RP2: variants seen among roughly 807,000 people sequenced by gnomAD.
RP2 encodes the protein RP2 activator of ARL3 GTPase.
A neutral mutation model predicts 20.3 loss-of-function variants in RP2; 3 were observed. The ratio of observed to expected loss-of-function variants is 0.15; its 90% CI spans 0.07 to 0.38. The LOEUF is 0.38. Among genes scored for constraint, RP2 ranks in the 10% least tolerant of loss-of-function variants. The pLI, the probability that RP2 is intolerant of heterozygous loss-of-function variation, is 1.00. For missense variants in RP2, 233 were observed against 268.5 expected (o/e 0.87, Z 0.92); for synonymous variants, 75 against 94.8 (o/e 0.79, Z 1.22).
intron 1 of RP2, among the ~76,000 whole-genome samples, chrX:46,847,759 T>TAC (rs782006171): frequency 8.5e-5 from 7 of 82,140 alleles, no homozygotes; most frequent in South Asian, 5.0e-4. Context: ...TGTGTGTATA[T>TAC]ACACACATGT....
chrX:46,859,505 A>G (rs1925027879), intron 2 of RP2, among the ~76,000 whole-genome samples: 2 of 109,354 alleles, frequency 1.8e-5, no homozygotes, highest in African/African-American at 6.6e-5. Flanking sequence ...AAAAAAAAAG[A>G]AAGAAAAATA....
intron 1 of RP2, among the ~76,000 whole-genome samples, chrX:46,840,659 T>A (rs1245932565): frequency 8.9e-6 from 1 of 112,186 alleles, no homozygotes; most frequent in Non-Finnish European, 1.9e-5. Context: ...TTATAAGACT[T>A]ATCCCTGCCC....
chrX:46,873,045 G>A (rs142637412), intron 3 of RP2, among the ~76,000 whole-genome samples: 250 of 111,370 alleles, frequency 2.2e-3, no homozygotes, highest in Non-Finnish European at 3.6e-3. Flanking sequence ...GGCCTGAACC[G>A]TCACTTATTT....
intron 3 of RP2, among the ~76,000 whole-genome samples, chrX:46,863,788 G>C (rs1415107967): frequency 8.9e-6 from 1 of 111,842 alleles, no homozygotes; most frequent in Non-Finnish European, 1.9e-5. Flanking sequence ...GAGAATCACT[G>C]TACTGAACTA....
intron 1 of RP2, among the ~76,000 whole-genome samples, chrX:46,847,492 G>A (rs181388453): frequency 4.7e-5 from 5 of 105,794 alleles, no homozygotes; most frequent in East Asian, 6.0e-4. Flanking sequence ...GTACAGTGGC[G>A]CGATCTCGGT....
chrX:46,848,498 C>T, intron 1 of RP2, among the ~76,000 whole-genome samples: 1 of 106,013 alleles, frequency 9.4e-6, no homozygotes, highest in Non-Finnish European at 1.9e-5. Context: ...ATTCTCCTGC[C>T]TCAGCCTCCC....
intron 3 of RP2, among the ~76,000 whole-genome samples, 175 bp downstream of exon 3, chrX:46,860,277 C>A (rs187877057): frequency 9.0e-6 from 1 of 111,570 alleles, no homozygotes; most frequent in African/African-American, 3.3e-5. Flanking sequence ...GAGCCCTAGA[C>A]AACTAACTAG....
At chrX:46,841,275 G>A (rs1924617798) in intron 1 of RP2, among the ~76,000 whole-genome samples, 1 of 112,076 alleles carries the variant, frequency 8.9e-6, no homozygotes, top group South Asian at 3.7e-4. Flanking sequence ...GCACTAAGTA[G>A]GAGGAGGCTA....
intron 1 of RP2, among the ~76,000 whole-genome samples, chrX:46,851,111 T>G (rs1435543926): frequency 8.9e-6 from 1 of 112,033 alleles, no homozygotes; most frequent in Non-Finnish European, 1.9e-5. Context: ...TGCTAATCAT[T>G]AAGATGATTA....
chrX:46,869,606 CTT>C (rs1196606271), intron 3 of RP2, among the ~76,000 whole-genome samples: 3 of 54,458 alleles, frequency 5.5e-5, no homozygotes, highest in Admixed American at 2.3e-4. Flanking sequence ...TTCATACATA[CTT>C]TTTTTTTTTT....
intron 1 of RP2, among the ~76,000 whole-genome samples, chrX:46,843,130 C>T (rs1924654958): frequency 9.2e-6 from 1 of 108,733 alleles, no homozygotes; most frequent in African/African-American, 3.4e-5. Flanking sequence ...GTCTCGGCCT[C>T]CCCAGCAGCT....
chrX:46,860,130 T>C (rs1556319911), intron 3 of RP2, 28 bp downstream of exon 3: 3 of 1,030,076 alleles, frequency 2.9e-6, no homozygotes, highest in Non-Finnish European at 4.1e-6. Flanking sequence ...GGTATACTTT[T>C]GTGGATATTT....
chrX:46,870,672 G>A (rs1263458519), intron 3 of RP2, among the ~76,000 whole-genome samples: 1 of 112,192 alleles, frequency 8.9e-6, no homozygotes, highest in Non-Finnish European at 1.9e-5. Flanking sequence ...AACAGGCAGA[G>A]TATCACCTTG....
rs781872752 is a variant in RP2 at position 46,837,195 on chromosome X, G to T, written c.95G>T (p.Arg32Leu). The change falls in exon 1 of 5, where the codon CGC becomes CTC. Residue 32 changes from arginine to leucine, a missense_variant. By Grantham distance (102) the Arg-to-Leu change is moderately radical. Around this residue, in one of 3 missense-constraint regions of RP2, gnomAD observed 77 missense variants for 71.8 expected, o/e 1.07. Coordinates refer to ENST00000218340, the MANE Select transcript of RP2 (RefSeq NM_006915.3). ...ERPKQYSWDQ[R>L]EKVDPKDYMF... is the part of the protein sequence containing the mutation. ...CCAAAGCAGTACAGCTGGGATCAGCGCGAGAAGGTAATGAAAGTCGTGTAG... is the reference window on the plus strand; with the variant it reads ...CCAAAGCAGTACAGCTGGGATCAGCTCGAGAAGGTAATGAAAGTCGTGTAG... 14 of 1,168,396 alleles carry T rather than the reference G, an allele frequency of 1.2e-5. No individual in the cohort carries two copies. In the South Asian group the frequency reaches 2.7e-4, roughly 22 times the overall value.
intron 3 of RP2, among the ~76,000 whole-genome samples, chrX:46,865,070 T>C (rs1372464603): frequency 8.9e-6 from 1 of 112,596 alleles, no homozygotes; most frequent in Non-Finnish European, 1.9e-5. Context: ...GTATATCCCT[T>C]ACCCAGCTTC....
chrX:46,875,118 G>T (rs1188683256), intron 3 of RP2, among the ~76,000 whole-genome samples: 1 of 109,800 alleles, frequency 9.1e-6, no homozygotes, highest in Non-Finnish European at 1.9e-5. Context: ...ATGTTTGATT[G>T]TTGTACTTTT....
intron 1 of RP2, among the ~76,000 whole-genome samples, chrX:46,847,789 T>C (rs972107895): frequency 4.3e-4 from 36 of 83,460 alleles, no homozygotes; most frequent in Middle Eastern, 5.6e-3. Flanking sequence ...CATACACACA[T>C]GTGTGTGTGT....
At chrX:46,848,593 A>G (rs1485695519) in intron 1 of RP2, among the ~76,000 whole-genome samples, 1 of 107,041 alleles carries the variant, frequency 9.3e-6, no homozygotes, top group Non-Finnish European at 1.9e-5. Context: ...CATGTTGGCC[A>G]GGCTGGTCTG....
At chrX:46,859,033 A>G (rs1925017913) in intron 2 of RP2, among the ~76,000 whole-genome samples, 1 of 111,331 alleles carries the variant, frequency 9.0e-6, no homozygotes, top group South Asian at 3.7e-4. Context: ...CTTAGTTTTC[A>G]TATCTGTACA....
Sources: gnomAD v4.1 joint callset for allele counts (sites outside exome capture counted in the v4.1 genomes callset) on GRCh38, gnomAD v4.1.1 for gene constraint, gnomAD v4.1.1 regional missense constraint, MANE v1.5 for transcripts, NCBI Gene and HGNC (gene_info 2026-07-23, HGNC 2026-07-21) for gene names.